Variants in MS4A5 observed in about 807,000 individuals in gnomAD.
The protein encoded by MS4A5 is membrane spanning 4-domains A5.
Under a neutral mutation model 18.2 loss-of-function variants are expected in MS4A5, and 15 were observed. The ratio of observed to expected loss-of-function variants is 0.83; its 90% CI spans 0.55 to 1.27. The LOEUF is 1.27. MS4A5 is among the 50% of genes most tolerant of loss of function. The pLI is 0.00. For synonymous variants in MS4A5, 89 were observed against 78.7 expected (o/e 1.13, Z -0.69); for missense variants, 232 against 225.7 (o/e 1.03, Z -0.18).
chr11:60,434,885 C>G (rs1294942659), intron 4 of MS4A5, among the ~76,000 whole-genome samples: 1 of 152,172 alleles, frequency 6.6e-6, no homozygotes, highest in Non-Finnish European at 1.5e-5. Context: ...AGTATAAAGA[C>G]TTAAGAGAGA....
In MS4A5 at chr11:60,439,533, C is replaced by A. The variant is rs2086099212; in HGVS notation, c.492+5616C>A. On this transcript the variant is annotated intron_variant, in intron 4 of 4. Transcript: ENST00000300190. ...TTGTATATCTAGAAAACCCCATTGTCTCAGCCCAAAATCTCCTTAAGCTGA... is the reference window on the plus strand; with the variant it reads ...TTGTATATCTAGAAAACCCCATTGTATCAGCCCAAAATCTCCTTAAGCTGA... 1.3e-4 allele frequency among the ~76,000 whole-genome samples: 10 copies of A among 79,990 alleles called. No individual in the cohort carries two copies. In the South Asian group the frequency reaches 5.3e-3, roughly 42 times the overall value. 52.5% of individuals were successfully genotyped at this position (79,990 alleles called of 152,430 possible).
chr11:60,438,418 A>G (rs2086092497), intron 4 of MS4A5, among the ~76,000 whole-genome samples: 1 of 152,094 alleles, frequency 6.6e-6, no homozygotes, highest in African/African-American at 2.4e-5. Context: ...AGAAATAACT[A>G]AAATCAGAGC....
At chr11:60,431,994 C>A (rs148455704) in intron 2 of MS4A5, among the ~76,000 whole-genome samples, 2 of 139,684 alleles carry the variant, frequency 1.4e-5, no homozygotes, top group African/African-American at 5.2e-5. Flanking sequence ...GAACTACCAG[C>A]ACATTCACTG....
intron 4 of MS4A5, among the ~76,000 whole-genome samples, chr11:60,435,915 T>G (rs1175132046): frequency 6.6e-6 from 1 of 152,226 alleles, no homozygotes; most frequent in Non-Finnish European, 1.5e-5. Flanking sequence ...AAGCTCCAAC[T>G]GGGTGGATCC....
At chr11:60,442,559 G>C (rs1460295815) in intron 4 of MS4A5, among the ~76,000 whole-genome samples, 2 of 152,098 alleles carry the variant, frequency 1.3e-5, no homozygotes, top group African/African-American at 4.8e-5. Context: ...TTAAAACCTC[G>C]ATGACAGGTT....
intron 4 of MS4A5, among the ~76,000 whole-genome samples, chr11:60,444,675 A>G (rs2086130317): frequency 6.6e-6 from 1 of 152,224 alleles, no homozygotes; most frequent in Non-Finnish European, 1.5e-5. Context: ...CAACATTATT[A>G]ATCATCAGAT....
At chr11:60,439,884 C>T (rs1484892486) in intron 4 of MS4A5, among the ~76,000 whole-genome samples, 1 of 88,074 alleles carries the variant, frequency 1.1e-5, no homozygotes, top group African/African-American at 4.0e-5. Context: ...CCATCCCCAT[C>T]AAGCTACCAA....
In MS4A5 at chr11:60,446,540, G is replaced by A. The variant is rs540238716; in HGVS notation, c.493-1109G>A. 4.6e-5 allele frequency among the ~76,000 whole-genome samples: 7 copies of A among 152,030 alleles called. No individual in the cohort carries two copies. In the South Asian group the frequency reaches 6.2e-4, roughly 14 times the overall value. ...GATCACCTGAAGTCAGGAGTTCAGC[G>A]CTGCCAACATGGCGAAACCCCGTCT... is the stretch of plus-strand genomic sequence containing the variant. On this transcript the variant is annotated intron_variant, in intron 4 of 4. Transcript: ENST00000300190.
chr11:60,432,143 A>G (rs2086052039), intron 2 of MS4A5, among the ~76,000 whole-genome samples: 1 of 152,170 alleles, frequency 6.6e-6, no homozygotes, highest in Non-Finnish European at 1.5e-5. Context: ...TAAAAAGAAC[A>G]TGGATGAGTA....
At chr11:60,432,769 C>CAAAAA (rs71036582) in intron 3 of MS4A5, among the ~76,000 whole-genome samples, 1 of 138,180 alleles carries the variant, frequency 7.2e-6, no homozygotes, top group African/African-American at 2.7e-5. Flanking sequence ...GACTCCATCT[C>CAAAAA]AAAAAAAAAA....
chr11:60,441,301 A>AGG (rs2086110369), intron 4 of MS4A5, among the ~76,000 whole-genome samples: 1 of 88,580 alleles, frequency 1.1e-5, no homozygotes, highest in African/African-American at 3.5e-5. Flanking sequence ...GGGGGGAGGG[A>AGG]TAGCATCGGG....
At chr11:60,431,779 G>A (rs1294848786) in intron 2 of MS4A5, among the ~76,000 whole-genome samples, 1 of 152,200 alleles carries the variant, frequency 6.6e-6, no homozygotes, top group Non-Finnish European at 1.5e-5. Context: ...ATGAGCACAG[G>A]CTGAAGGTAT....
chr11:60,441,444 G>A (rs1222143059), intron 4 of MS4A5, among the ~76,000 whole-genome samples: 7 of 86,164 alleles, frequency 8.1e-5, no homozygotes, highest in Admixed American at 2.9e-4. Context: ...AAAAGAAAAA[G>A]AAAAAGGCCA....
intron 4 of MS4A5, among the ~76,000 whole-genome samples, chr11:60,434,993 G>A (rs1266654515): frequency 3.3e-5 from 5 of 152,302 alleles, no homozygotes; most frequent in African/African-American, 4.8e-5. Flanking sequence ...TAGCAAAGTC[G>A]CTGAACAAAG....
chr11:60,442,143 T>C (rs1424375479), intron 4 of MS4A5, among the ~76,000 whole-genome samples: 1 of 152,222 alleles, frequency 6.6e-6, no homozygotes, highest in Non-Finnish European at 1.5e-5. Context: ...GAATGAACAC[T>C]ACACCAAATA....
At position 60,432,480 on chromosome 11, in the gene MS4A5, C is replaced by T. The variant is rs753407365; in HGVS notation, c.339+13C>T. On this transcript the variant is annotated intron_variant, in intron 3 of 4. Coordinates refer to ENST00000300190, the MANE Select transcript of MS4A5 (RefSeq NM_023945.3). ...CACAGAAACTCTGGTGAGTTATATT[C>T]TTACTTTATTAAAAATATATTTTGT... 22 of 1,514,326 alleles carry T rather than the reference C, an allele frequency of 1.5e-5. No homozygotes were observed. The South Asian group carries it at 1.5e-4, about 10-fold the overall frequency. 93.8% of individuals were successfully genotyped at this position (1,514,326 alleles called of 1,614,324 possible).
chr11:60,447,508 T>G, intron 4 of MS4A5, 141 bp from the exon 5 acceptor site: 1 of 591,644 alleles, frequency 1.7e-6, no homozygotes, highest in Non-Finnish European at 3.0e-6. Flanking sequence ...TTCACTGATT[T>G]GATTCCTAAG....
intron 4 of MS4A5, chr11:60,435,264 CA>C: frequency 2.5e-6 from 1 of 393,492 alleles, no homozygotes; most frequent in Admixed American, 3.5e-5. Context: ...AGTAAGCACT[CA>C]AAAGAGGCCT....
Position 60,429,581 on chromosome 11 carries a change from C to T in MS4A5, c.-94C>T, listed in dbSNP as rs2086037091. 2.5e-6 allele frequency: 3 copies of T among 1,217,428 alleles called. No individual in the cohort carries two copies. The highest frequency in any genetic ancestry group is 3.1e-5 in the African/African-American group (2 of 65,390). The allele number at this position is 1,217,428 out of a possible 1,614,324, so 75.4% of individuals were successfully genotyped here. Reference sequence around the variant, plus strand: ...AATTCCAAGACAAAGCAAACAATTCCAGTGCTCCAGGCAGCCTCAGCACAA... The same window carrying T: ...AATTCCAAGACAAAGCAAACAATTCTAGTGCTCCAGGCAGCCTCAGCACAA... On this transcript the variant is annotated 5_prime_UTR_variant, in exon 1 of 5. Transcript: ENST00000300190.
Sources: allele counts gnomAD v4.1 joint callset (sites outside exome capture counted in the v4.1 genomes callset), GRCh38; gene constraint gnomAD v4.1.1; transcripts MANE v1.5; gene names NCBI Gene and HGNC (gene_info 2026-07-23, HGNC 2026-07-21).